The following KALRN variants were observed in gnomAD, a reference collection of about 807,000 sequenced individuals.
KALRN encodes the protein kalirin RhoGEF kinase.
A neutral mutation model predicts 353.7 loss-of-function variants in KALRN; 70 were observed. The observed-to-expected ratio is 0.20, with a 90% CI of 0.16 to 0.24. KALRN has a LOEUF of 0.24. Ranked by LOEUF, KALRN falls within the 10% of genes least tolerant of loss-of-function variation. KALRN has a pLI of 1.00. For synonymous variants in KALRN, 1,391 were observed against 1,434.8 expected (o/e 0.97, Z 0.69); for missense variants, 2,791 against 3,756.7 (o/e 0.74, Z 6.72).
rs35522040 is a variant in KALRN, at chr3:124,254,422, CAAAAAAAA to C, written c.264-10055_264-10048del. On this transcript the variant is annotated intron_variant, in intron 3 of 59. Transcript: ENST00000682506. Reference sequence around the variant, plus strand: ...TCAAGTGTTCTATGCATCTATGAAGCAAAAAAAAAAAAAAAAAAAAAAAAAAAATTGTA... The same window carrying C: ...TCAAGTGTTCTATGCATCTATGAAGCAAAAAAAAAAAAAAAAAAAATTGTA... 2.8e-3 allele frequency among the ~76,000 whole-genome samples: 334 copies of C among 121,274 alleles called. 1 individual carries two copies. The highest frequency in any genetic ancestry group is 7.4e-3 in the African/African-American group (211 of 28,680). 79.6% of individuals were successfully genotyped at this position (121,274 alleles called of 152,430 possible).
At chr3:124,359,002 G>A (rs981660571) in intron 10 of KALRN, among the ~76,000 whole-genome samples, 1 of 149,940 alleles carries the variant, frequency 6.7e-6, no homozygotes, top group South Asian at 2.1e-4. Flanking sequence ...TTCCATGTGT[G>A]GATCTGGGTC....
intron 3 of KALRN, among the ~76,000 whole-genome samples, chr3:124,257,913 C>G (rs1580149824): frequency 6.6e-6 from 1 of 152,238 alleles, no homozygotes; most frequent in East Asian, 1.9e-4. Flanking sequence ...CCTCACCATA[C>G]ACAATGCAAA....
In KALRN at chr3:124,319,300, T is replaced by C. The variant is rs145816780; in HGVS notation, c.1093-6680T>C. Reference sequence around the variant, plus strand: ...CAGCAACATAGCTAGACTCCATCTATAAGAAAAAGGAAATTTAAAAAACCA... The same window carrying C: ...CAGCAACATAGCTAGACTCCATCTACAAGAAAAAGGAAATTTAAAAAACCA... On this transcript the variant is annotated intron_variant, in intron 6 of 59. Transcript: ENST00000682506. 7.2e-3 allele frequency among the ~76,000 whole-genome samples: 1,091 copies of C among 151,810 alleles called. 14 individuals are homozygous for C. Among genetic ancestry groups the C allele is most frequent in the African/African-American group, 0.024 (993 of 41,490 alleles).
At chr3:124,386,294 A>G (rs1396033205) in intron 11 of KALRN, among the ~76,000 whole-genome samples, 1 of 152,104 alleles carries the variant, frequency 6.6e-6, no homozygotes, top group Non-Finnish European at 1.5e-5. Context: ...ATTCTTAATG[A>G]AAGTCTCAGA....
intron 33 of KALRN, among the ~76,000 whole-genome samples, chr3:124,538,244 T>TTG (rs998651537): frequency 1.3e-4 from 18 of 137,738 alleles, no homozygotes; most frequent in Non-Finnish European, 2.5e-4. Context: ...CAAAGAGTGT[T>TTG]TGTGTGTGTG....
chr3:124,334,560 G>A lies in KALRN; in HGVS notation c.1647+65G>A. The A allele has an allele frequency of 8.6e-7, 1 of 1,160,328 alleles. No individual in the cohort carries two copies. Among genetic ancestry groups the A allele is most frequent in the Non-Finnish European group, 1.2e-6 (1 of 800,514 alleles). 71.9% of individuals were successfully genotyped at this position (1,160,328 alleles called of 1,614,324 possible). On this transcript the variant is annotated intron_variant, in intron 9 of 59. Transcript: ENST00000682506. The surrounding 1 kb of genome is among the most constrained non-coding windows in gnomAD (Gnocchi z 4.2). ...GGAGGCAGACCGAGCTCAAGTCCCT[G>A]ACCTAGGTGATCAGGCTTAGGAGAG...
At chr3:124,149,124 C>G (rs1419854528) in intron 1 of KALRN, among the ~76,000 whole-genome samples, 1 of 152,198 alleles carries the variant, frequency 6.6e-6, no homozygotes, top group Non-Finnish European at 1.5e-5. Flanking sequence ...CCAGGTCTGG[C>G]AGACTCCAAA....
chr3:124,402,747 C>A (rs1257751225), intron 13 of KALRN, among the ~76,000 whole-genome samples: 1 of 152,122 alleles, frequency 6.6e-6, no homozygotes, highest in East Asian at 1.9e-4. Context: ...ATTCAACATG[C>A]TCTTTGGGAG....
At chr3:124,106,447 C>T (rs543417636) in intron 1 of KALRN, among the ~76,000 whole-genome samples, 72 of 152,082 alleles carry the variant, frequency 4.7e-4, no homozygotes, top group Middle Eastern at 3.4e-3. Flanking sequence ...ACTGAGGGGA[C>T]TGAGAGAGGA....
intron 5 of KALRN, among the ~76,000 whole-genome samples, chr3:124,281,391 C>T (rs2075329665): frequency 6.6e-6 from 1 of 152,168 alleles, no homozygotes; most frequent in Non-Finnish European, 1.5e-5. Context: ...GTGACCTTGT[C>T]ATGAGGTGGC....
chr3:124,152,541 TTTTTCTTTTTC>T lies in KALRN; in HGVS notation c.74-75439_74-75429del, dbSNP rs925057573. On this transcript the variant is annotated intron_variant, in intron 1 of 59. Coordinates refer to ENST00000682506, the MANE Select transcript of KALRN (RefSeq NM_001388419.1). ...CCTTGTTACAGTGCTTTTCTTTTTC[TTTTTCTTTTTC>T]TTTTCTTTTCTTTTCTTTTCTTTTC... is the stretch of plus-strand genomic sequence containing the variant. 1.9e-3 allele frequency: 1,135 copies of T among 602,524 alleles called. 23 individuals carry two copies. The highest frequency in any genetic ancestry group is 0.018 in the South Asian group (997 of 56,940). The allele number at this position is 602,524 out of a possible 1,614,324, so 37.3% of individuals were successfully genotyped here.
intron 1 of KALRN, among the ~76,000 whole-genome samples, chr3:124,182,231 C>T (rs1343207077): frequency 6.6e-6 from 1 of 152,144 alleles, no homozygotes; most frequent in African/African-American, 2.4e-5. Flanking sequence ...AAATAACACA[C>T]ATTTATTGTC....
intron 54 of KALRN, among the ~76,000 whole-genome samples, chr3:124,697,195 G>A (rs1268599834): frequency 1.3e-5 from 2 of 152,206 alleles, no homozygotes; most frequent in Non-Finnish European, 1.5e-5. Context: ...AGCACACCTG[G>A]CACTACGTTT....
intron 14 of KALRN, among the ~76,000 whole-genome samples, chr3:124,422,511 G>T (rs910641405): frequency 6.6e-6 from 1 of 152,128 alleles, no homozygotes; most frequent in Non-Finnish European, 1.5e-5. Context: ...AGCAGGAATT[G>T]CTGGGTGCTG....
intron 1 of KALRN, among the ~76,000 whole-genome samples, chr3:124,219,349 C>T (rs1277516876): frequency 6.6e-6 from 1 of 152,116 alleles, no homozygotes; most frequent in Admixed American, 6.5e-5. Context: ...AGGGCAGGCA[C>T]CCTAAGGAAG....
At chr3:124,582,186 A>T (rs1343896335) in intron 34 of KALRN, among the ~76,000 whole-genome samples, 1 of 151,922 alleles carries the variant, frequency 6.6e-6, no homozygotes, top group Non-Finnish European at 1.5e-5. Flanking sequence ...ATGCCCAGTT[A>T]ATTTTTGTAT....
intron 6 of KALRN, among the ~76,000 whole-genome samples, chr3:124,319,345 T>C (rs1404172565): frequency 2.0e-5 from 3 of 151,354 alleles, no homozygotes; most frequent in African/African-American, 4.8e-5. Flanking sequence ...AAGTTAAAAA[T>C]ACCAATAAAC....
chr3:124,417,327 T>TG (rs1404846533), intron 14 of KALRN, among the ~76,000 whole-genome samples: 7 of 152,248 alleles, frequency 4.6e-5, no homozygotes, highest in African/African-American at 1.7e-4. Flanking sequence ...TTCCCTCCAG[T>TG]TCTCACTTTC....
chr3:124,551,513 T>TAGAA (rs1053677624), intron 33 of KALRN, among the ~76,000 whole-genome samples: 18 of 152,264 alleles, frequency 1.2e-4, no homozygotes, highest in African/African-American at 4.3e-4. Flanking sequence ...GCAACTGACC[T>TAGAA]AGAAAGAGGC....
Sources: gnomAD v4.1 joint callset for allele counts (sites outside exome capture counted in the v4.1 genomes callset) on GRCh38, gnomAD v4.1.1 for gene constraint, Gnocchi (gnomAD v3.1) non-coding constraint, MANE v1.5 for transcripts, NCBI Gene and HGNC (gene_info 2026-07-23, HGNC 2026-07-21) for gene names.